The following USP45 variants were observed in gnomAD, a reference collection of about 807,000 sequenced individuals.
USP45 encodes ubiquitin carboxyl-terminal hydrolase 45.
Under a neutral mutation model 95.8 loss-of-function variants are expected in USP45, and 89 were observed. That is an observed-to-expected ratio of 0.93 (90% CI 0.78 to 1.11). The LOEUF is 1.11. USP45 is among the 50% of genes least tolerant of loss of function. USP45 has a pLI of 0.00. For missense variants in USP45, 898 were observed against 942.5 expected, an observed-to-expected ratio of 0.95 and a Z score of 0.62; for synonymous variants, 281 against 316.2, an observed-to-expected ratio of 0.89 and a Z score of 1.18.
In USP45 at chr6:99,510,101, T is replaced by C; in HGVS notation, c.100+20A>G. 6.5e-7 allele frequency: 1 copy of C among 1,542,110 alleles called. No individual in the cohort carries two copies. The highest frequency in any genetic ancestry group is 9.0e-7 in the Non-Finnish European group (1 of 1,115,270). Reference sequence around the variant, plus strand: ...TATTTCTTCTCAACACTATTTGGGATGCCATATATCACAATTTACCAGCAA... The same window carrying C: ...TATTTCTTCTCAACACTATTTGGGACGCCATATATCACAATTTACCAGCAA... On this transcript the variant is annotated intron_variant, in intron 2 of 17. Coordinates refer to ENST00000500704, the MANE Select transcript of USP45 (RefSeq NM_001346022.3).
At chr6:99,511,914 T>C (rs1799980283) in intron 1 of USP45, among the ~76,000 whole-genome samples, 1 of 148,510 alleles carries the variant, frequency 6.7e-6, no homozygotes, top group Non-Finnish European at 1.5e-5. Context: ...TTGAAAGTTG[T>C]AGAGATCTTG....
intron 8 of USP45, among the ~76,000 whole-genome samples, chr6:99,479,686 G>T (rs559931796): frequency 7.7e-4 from 104 of 134,840 alleles, no homozygotes; most frequent in African/African-American, 2.6e-3. Flanking sequence ...TCAGAAAAAA[G>T]AAAAACTAAG....
chr6:99,457,800 G>T (rs1333364777), intron 13 of USP45, among the ~76,000 whole-genome samples: 2 of 152,130 alleles, frequency 1.3e-5, no homozygotes, highest in Non-Finnish European at 2.9e-5. Flanking sequence ...CATTAATCAT[G>T]TCTGAGGTTG....
chr6:99,485,229 C>T (rs79971493), intron 7 of USP45, among the ~76,000 whole-genome samples: 16,209 of 150,882 alleles, frequency 0.11, 1,163 homozygotes, highest in African/African-American at 0.21. Context: ...TCTACAGTCC[C>T]AGCTATTCAG....
rs1350477039 is a variant in USP45, at chr6:99,476,170, C to T, written c.906G>A (p.Leu302=). Reference sequence around the variant, plus strand: ...TTGTTTCTTCTGTCCTCACTGCATCCAGAAGATAATGAAGAAGCTCCTGAC... The same window carrying T: ...TTGTTTCTTCTGTCCTCACTGCATCTAGAAGATAATGAAGAAGCTCCTGAC... The part of the protein sequence containing the change: ...QDSQELLHYL[L]DAVRTEETKR... The change falls in exon 9 of 18, where the codon CTG becomes CTA. Residue 302 remains leucine, a synonymous_variant. Coordinates refer to ENST00000500704, the MANE Select transcript of USP45 (RefSeq NM_001346022.3). 1 of 1,613,806 alleles carries T rather than the reference C, an allele frequency of 6.2e-7. No homozygotes were observed. The highest frequency in any genetic ancestry group is 8.5e-7 in the Non-Finnish European group (1 of 1,179,924).
intron 5 of USP45, among the ~76,000 whole-genome samples, chr6:99,495,885 C>T (rs769164050): frequency 2.0e-5 from 3 of 152,126 alleles, no homozygotes; most frequent in Non-Finnish European, 4.4e-5. Context: ...CCCTATGTAT[C>T]TGGAAGGATA....
At chr6:99,506,842 T>C (rs1051015945) in intron 4 of USP45, among the ~76,000 whole-genome samples, 1 of 152,144 alleles carries the variant, frequency 6.6e-6, no homozygotes, top group African/African-American at 2.4e-5. Context: ...AATTCTGTAT[T>C]AGCAAGTTCA....
chr6:99,488,409 T>C (rs1794470693), intron 6 of USP45, 114 bp from the exon 7 acceptor site: 4 of 755,270 alleles, frequency 5.3e-6, no homozygotes, highest in Non-Finnish European at 8.3e-6. Flanking sequence ...TCAAAAAATA[T>C]TAAGATTTAG....
chr6:99,498,942 T>C (rs1796851843), intron 5 of USP45, among the ~76,000 whole-genome samples: 1 of 152,214 alleles, frequency 6.6e-6, no homozygotes, highest in South Asian at 2.1e-4. Flanking sequence ...GCATAGTATT[T>C]ATTTCATTTT....
chr6:99,474,155 G>A (rs1006990955), intron 9 of USP45, among the ~76,000 whole-genome samples: 1 of 152,098 alleles, frequency 6.6e-6, no homozygotes, highest in African/African-American at 2.4e-5. Context: ...ACTGGAAACT[G>A]GTCACTAGGA....
chr6:99,467,511 C>G (rs1169277378), intron 10 of USP45, among the ~76,000 whole-genome samples: 1 of 151,808 alleles, frequency 6.6e-6, no homozygotes, highest in Admixed American at 6.6e-5. Context: ...AAACAATATT[C>G]AAAATCATTT....
chr6:99,437,226 A>G lies in USP45; in HGVS notation c.2314+20T>C. 1 of 1,589,446 alleles carries G rather than the reference A, an allele frequency of 6.3e-7. No individual in the cohort carries two copies. The highest frequency in any genetic ancestry group is 8.5e-7 in the Non-Finnish European group (1 of 1,172,816). On this transcript the variant is annotated intron_variant, in intron 17 of 17. Coordinates refer to ENST00000500704, the MANE Select transcript of USP45 (RefSeq NM_001346022.3). ...ATATTCGTTTGTTTTTAAGAATAAA[A>G]TAAACTTAGGATGGCATACCAGGCA...
In USP45 at chr6:99,445,646, G is replaced by GT. The variant is rs1157702496; in HGVS notation, c.1975+150dup. 4.1e-5 allele frequency: 25 copies of GT among 605,640 alleles called. No homozygotes were observed. In the South Asian group the frequency reaches 6.2e-4, roughly 15 times the overall value. 37.5% of individuals were successfully genotyped at this position (605,640 alleles called of 1,614,324 possible). A position where few individuals can be genotyped will look rare whatever the true frequency, so the allele number is the denominator to read the frequency against. ...TTGAAAATCTGTTCTGCCCAGTATTGTAAGCGCTCAGGTACAAATATGAAT... is the reference window on the plus strand; with the variant it reads ...TTGAAAATCTGTTCTGCCCAGTATTGTTAAGCGCTCAGGTACAAATATGAAT... On this transcript the variant is annotated intron_variant, in intron 14 of 17. Coordinates refer to ENST00000500704, the MANE Select transcript of USP45 (RefSeq NM_001346022.3).
At chr6:99,491,410 T>C (rs1795144935) in intron 5 of USP45, among the ~76,000 whole-genome samples, 1 of 152,208 alleles carries the variant, frequency 6.6e-6, no homozygotes, top group Non-Finnish European at 1.5e-5. Context: ...AAATAGAACC[T>C]AGAATAGGAT....
intron 7 of USP45, 37 bp from the exon 8 acceptor site, chr6:99,482,920 C>T: frequency 5.7e-6 from 8 of 1,404,582 alleles, no homozygotes; most frequent in Non-Finnish European, 7.5e-6. Context: ...CAGAAATGTA[C>T]AATTTAAAAA....
intron 5 of USP45, among the ~76,000 whole-genome samples, chr6:99,502,693 G>A (rs1219679762): frequency 1.3e-5 from 2 of 152,214 alleles, no homozygotes; most frequent in African/African-American, 4.8e-5. Flanking sequence ...TGGAGGAGGG[G>A]CCTGATGGGA....
At chr6:99,484,856 AT>A (rs57734687) in intron 7 of USP45, among the ~76,000 whole-genome samples, 112,674 of 151,050 alleles carry the variant, frequency 0.75, 42,157 homozygotes, top group South Asian at 0.88. Context: ...AATAAAGTCT[AT>A]TTTTTTTTAA....
intron 13 of USP45, among the ~76,000 whole-genome samples, chr6:99,448,189 G>A (rs1275074863): frequency 6.6e-6 from 1 of 152,228 alleles, no homozygotes; most frequent in Non-Finnish European, 1.5e-5. Flanking sequence ...AAGCTGGACG[G>A]AGAATGACTT....
chr6:99,467,774 C>T (rs569244686), intron 10 of USP45, among the ~76,000 whole-genome samples: 1 of 151,926 alleles, frequency 6.6e-6, no homozygotes, highest in South Asian at 2.1e-4. Flanking sequence ...AATCTTGAAC[C>T]CTTAATTACA....
Sources: allele counts gnomAD v4.1 joint callset (sites outside exome capture counted in the v4.1 genomes callset), GRCh38; gene constraint gnomAD v4.1.1; transcripts MANE v1.5; gene names NCBI Gene and HGNC (gene_info 2026-07-23, HGNC 2026-07-21).